Variants in OSBPL9 observed in about 807,000 individuals in gnomAD.
The protein encoded by OSBPL9 is oxysterol-binding protein-related protein 9.
Under a neutral mutation model 106.6 loss-of-function variants are expected in OSBPL9, and 40 were observed. The ratio of observed to expected loss-of-function variants is 0.38; its 90% CI spans 0.29 to 0.49. The LOEUF (loss-of-function observed/expected upper bound fraction) is 0.49. Among genes scored for constraint, OSBPL9 ranks in the 20% least tolerant of loss-of-function variants. The pLI, the probability that OSBPL9 is intolerant of heterozygous loss-of-function variation, is 0.97. For synonymous variants in OSBPL9, 269 were observed against 295.4 expected (o/e 0.91, Z 0.92); for missense variants, 609 against 887.2 (o/e 0.69, Z 3.98).
intron 2 of OSBPL9, among the ~76,000 whole-genome samples, chr1:51,607,437 C>T (rs923288479): frequency 1.3e-5 from 2 of 152,138 alleles, no homozygotes; most frequent in Non-Finnish European, 2.9e-5. Flanking sequence ...GCTAGGATTA[C>T]AGGCGTGAGC....
chr1:51,730,062 C>G (rs1182907053), intron 4 of OSBPL9: 1 of 1,279,928 alleles, frequency 7.8e-7, no homozygotes, highest in African/African-American at 1.5e-5. Context: ...CCCCGGGGTC[C>G]CGGCCGCCAG....
chr1:51,661,001 T>G (rs1471511483), intron 2 of OSBPL9, among the ~76,000 whole-genome samples: 1 of 152,234 alleles, frequency 6.6e-6, no homozygotes, highest in African/African-American at 2.4e-5. Context: ...AAAATTTTTT[T>G]TAAACCTGAG....
chr1:51,553,280 G>T, the OSBPL9 span, among the ~76,000 whole-genome samples: 2 of 152,102 alleles, frequency 1.3e-5, no homozygotes, highest in Non-Finnish European at 2.9e-5. Flanking sequence ...GGAGGCTGAG[G>T]CAGGTGGATT....
chr1:51,654,476 C>T (rs927887838), intron 2 of OSBPL9, among the ~76,000 whole-genome samples: 1 of 151,970 alleles, frequency 6.6e-6, no homozygotes, highest in East Asian at 1.9e-4. Context: ...GAATTGGCTT[C>T]AAAAACAACC....
intron 4 of OSBPL9, among the ~76,000 whole-genome samples, chr1:51,718,247 T>C (rs1486796661): frequency 2.6e-5 from 4 of 152,050 alleles, no homozygotes; most frequent in Non-Finnish European, 4.4e-5. Flanking sequence ...GTGGGGATGG[T>C]TAATGGGTAC....
chr1:51,619,329 G>T (rs949197116), intron 1 of OSBPL9, among the ~76,000 whole-genome samples: 1 of 152,162 alleles, frequency 6.6e-6, no homozygotes, highest in African/African-American at 2.4e-5. Context: ...AGCCCAGAAA[G>T]AATCTTCCTT....
At chr1:51,638,220 A>G (rs1366564037) in intron 1 of OSBPL9, among the ~76,000 whole-genome samples, 1 of 152,146 alleles carries the variant, frequency 6.6e-6, no homozygotes, top group Admixed American at 6.5e-5. Flanking sequence ...ACTGACAGGG[A>G]AAGGAGGGAA....
chr1:51,746,589 C>T, intron 5 of OSBPL9, 121 bp from the exon 6 acceptor site: 1 of 575,052 alleles, frequency 1.7e-6, no homozygotes, highest in African/African-American at 1.9e-5. Flanking sequence ...TTGAAAATAA[C>T]ATATAAATCA....
intron 3 of OSBPL9, among the ~76,000 whole-genome samples, chr1:51,695,961 A>G: frequency 6.6e-6 from 1 of 152,216 alleles, no homozygotes; most frequent in East Asian, 1.9e-4. Context: ...CATACAATCT[A>G]ACAGAATGTA....
the OSBPL9 span, among the ~76,000 whole-genome samples, chr1:51,552,100 G>A: frequency 2.6e-5 from 4 of 151,912 alleles, no homozygotes; most frequent in African/African-American, 9.7e-5. Flanking sequence ...ATCTACACAC[G>A]TTATGTATAT....
intron 3 of OSBPL9, among the ~76,000 whole-genome samples, chr1:51,672,247 G>A (rs1650053062): frequency 6.6e-6 from 1 of 152,210 alleles, no homozygotes; most frequent in Non-Finnish European, 1.5e-5. Flanking sequence ...AGAGGCTGTT[G>A]TAAACCAGAA....
intron 3 of OSBPL9, among the ~76,000 whole-genome samples, chr1:51,696,986 C>T (rs1656154769): frequency 6.6e-6 from 1 of 151,872 alleles, no homozygotes; most frequent in South Asian, 2.1e-4. Context: ...CCCAGCCCCA[C>T]ACCCATCTCT....
chr1:51,787,906 ATC>A lies in OSBPL9; in HGVS notation c.*120_*121del. ...CAATCTTCTAATTACAGTGGTTCCTATCTCAGGGATACTGGACTTTCTGACGC... is the reference window on the plus strand; with the variant it reads ...CAATCTTCTAATTACAGTGGTTCCTATCAGGGATACTGGACTTTCTGACGC... On this transcript the variant is annotated 3_prime_UTR_variant, in exon 24 of 24. Transcript: ENST00000428468. 6 of 900,986 alleles carry A rather than the reference ATC, an allele frequency of 6.7e-6. No individual in the cohort carries two copies. The South Asian group carries it at 9.2e-5, about 14-fold the overall frequency. 55.8% of individuals were successfully genotyped at this position (900,986 alleles called of 1,614,324 possible).
chr1:51,629,484 T>A (rs1358383197), intron 1 of OSBPL9, among the ~76,000 whole-genome samples: 1 of 152,160 alleles, frequency 6.6e-6, no homozygotes, highest in African/African-American at 2.4e-5. Flanking sequence ...TAAAGTGGGC[T>A]TACACAAACT....
intron 1 of OSBPL9, among the ~76,000 whole-genome samples, chr1:51,620,085 C>T (rs1644332692): frequency 1.3e-5 from 2 of 151,928 alleles, no homozygotes; most frequent in African/African-American, 4.8e-5. Flanking sequence ...AGGATCATTG[C>T]GATAGTTGTG....
rs145911046 is a variant in OSBPL9 at position 51,758,848 on chromosome 1, A to G, written c.583-1842A>G. Among the ~76,000 whole-genome samples the G allele has an allele frequency of 2.7e-4, 41 of 152,254 alleles. No homozygotes were observed. In the East Asian group the frequency reaches 7.9e-3, roughly 29 times the overall value. On this transcript the variant is annotated intron_variant, in intron 9 of 23. Transcript: ENST00000428468. ...GAGAAAAGCGCTGTGTAAACAAGGA[A>G]TTTATTTTAAGAACAACTCCATGTT...
intron 3 of OSBPL9, among the ~76,000 whole-genome samples, chr1:51,679,863 G>A (rs1245804725): frequency 1.3e-5 from 2 of 152,090 alleles, no homozygotes; most frequent in African/African-American, 4.8e-5. Context: ...ATTATTAGTT[G>A]TTAATCTTAC....
chr1:51,672,943 G>A (rs1401247829), intron 3 of OSBPL9, among the ~76,000 whole-genome samples: 3 of 152,164 alleles, frequency 2.0e-5, no homozygotes, highest in Admixed American at 2.0e-4. Flanking sequence ...GGAGTTCAGT[G>A]GAAAAGTTTG....
At position 51,789,051 on chromosome 1, in the gene OSBPL9, G is replaced by C. The variant is rs534004223; in HGVS notation, c.*1262G>C. ...TGGCCCATTCTGCTAATTTTCCTTTGCCAGCTCCTACAGTAACCCTGGGTT... is the reference window on the plus strand; with the variant it reads ...TGGCCCATTCTGCTAATTTTCCTTTCCCAGCTCCTACAGTAACCCTGGGTT... On this transcript the variant is annotated 3_prime_UTR_variant, in exon 24 of 24. Transcript: ENST00000428468. 21 of 645,000 alleles carry C rather than the reference G, an allele frequency of 3.3e-5. No homozygotes were observed. In the South Asian group the frequency reaches 3.5e-4, roughly 11 times the overall value. The allele number at this position is 645,000 out of a possible 1,614,324, so 40.0% of individuals were successfully genotyped here. A position where few individuals can be genotyped will look rare whatever the true frequency, so the allele number is the denominator to read the frequency against.
Sources: gnomAD v4.1 joint callset for allele counts (sites outside exome capture counted in the v4.1 genomes callset) on GRCh38, gnomAD v4.1.1 for gene constraint, MANE v1.5 for transcripts, NCBI Gene and HGNC (gene_info 2026-07-23, HGNC 2026-07-21) for gene names.